Variants in SGCD observed in about 807,000 individuals in gnomAD.
SGCD encodes sarcoglycan delta, also known as delta-sarcoglycan.
A neutral mutation model predicts 36.6 loss-of-function variants in SGCD; 18 were observed. That is an observed-to-expected ratio of 0.49 (90% CI 0.34 to 0.73). The LOEUF (loss-of-function observed/expected upper bound fraction) is 0.73. SGCD is among the 30% of genes least tolerant of loss of function. SGCD has a pLI of 0.01. For synonymous variants in SGCD, 133 were observed against 130.6 expected (o/e 1.02, Z -0.12); for missense variants, 387 against 346.7 (o/e 1.12, Z -0.92).
intron 4 of SGCD, among the ~76,000 whole-genome samples, chr5:156,524,722 T>C (rs559036266): frequency 1.3e-5 from 2 of 152,126 alleles, no homozygotes; most frequent in South Asian, 4.1e-4. Context: ...GTGTGTACTC[T>C]TTGATGAACA....
intron 1 of SGCD, among the ~76,000 whole-genome samples, chr5:156,004,556 T>C (rs1271331769): frequency 2.0e-5 from 3 of 152,130 alleles, no homozygotes; most frequent in East Asian, 1.9e-4. Context: ...TAGTTAGAGG[T>C]AGAATCCACA....
chr5:156,302,568 G>T (rs1011679417), intron 3 of SGCD, among the ~76,000 whole-genome samples: 7 of 152,026 alleles, frequency 4.6e-5, no homozygotes, highest in Admixed American at 2.0e-4. Flanking sequence ...GGTATTTGTT[G>T]CTTGTGGATG....
intron 3 of SGCD, among the ~76,000 whole-genome samples, chr5:156,311,758 T>C (rs182867361): frequency 6.6e-6 from 1 of 152,280 alleles, no homozygotes; most frequent in East Asian, 1.9e-4. Context: ...TCATAAAAAG[T>C]TTGGAAAACA....
intron 3 of SGCD, among the ~76,000 whole-genome samples, chr5:156,263,480 A>AG (rs1765920659): frequency 6.6e-6 from 1 of 151,880 alleles, no homozygotes; most frequent in Admixed American, 6.6e-5. Flanking sequence ...AGTTCCTTGT[A>AG]AATCTGAATA....
the SGCD span, among the ~76,000 whole-genome samples, chr5:155,753,901 T>A: frequency 2.0e-5 from 3 of 150,806 alleles, no homozygotes; most frequent in Admixed American, 1.3e-4. Context: ...TCACATTTAA[T>A]TTTTTTTTTC....
intron 3 of SGCD, among the ~76,000 whole-genome samples, chr5:156,471,518 T>C (rs1381714969): frequency 1.3e-5 from 2 of 152,102 alleles, no homozygotes; most frequent in African/African-American, 4.8e-5. Flanking sequence ...ATACCGTCAA[T>C]TGATTTTTCT....
At chr5:156,534,689 T>C (rs891398124) in intron 4 of SGCD, among the ~76,000 whole-genome samples, 1 of 152,180 alleles carries the variant, frequency 6.6e-6, no homozygotes, top group African/African-American at 2.4e-5. Flanking sequence ...TGGTTTTGCT[T>C]CTTACTAGCT....
At chr5:156,165,253 T>G (rs935008437) in intron 3 of SGCD, among the ~76,000 whole-genome samples, 3 of 152,200 alleles carry the variant, frequency 2.0e-5, no homozygotes, top group African/African-American at 4.8e-5. Flanking sequence ...AGGGGAAACT[T>G]GCCAATGGGC....
chr5:156,052,797 T>C (rs1295723609), intron 1 of SGCD, among the ~76,000 whole-genome samples: 2 of 146,300 alleles, frequency 1.4e-5, no homozygotes, highest in African/African-American at 2.5e-5. Context: ...CATGATGGTG[T>C]TTTATTTGCT....
the SGCD span, among the ~76,000 whole-genome samples, chr5:155,796,755 G>A: frequency 0.073 from 9,899 of 135,790 alleles, 670 homozygotes; most frequent in African/African-American, 0.19. Context: ...GTGGTGAGCC[G>A]AGATTGTGCC....
chr5:156,703,318 TG>T (rs1184998905), intron 7 of SGCD, among the ~76,000 whole-genome samples: 1 of 152,068 alleles, frequency 6.6e-6, no homozygotes, highest in African/African-American at 2.4e-5. Flanking sequence ...GAATCTATAG[TG>T]GGTGCTTCTG....
At chr5:156,173,687 A>G (rs1212724130) in intron 3 of SGCD, among the ~76,000 whole-genome samples, 1 of 152,170 alleles carries the variant, frequency 6.6e-6, no homozygotes, top group African/African-American at 2.4e-5. Flanking sequence ...TGATGCAGAA[A>G]AACCTTAGGG....
chr5:156,394,089 T>C (rs1344368179), intron 3 of SGCD, among the ~76,000 whole-genome samples: 1 of 152,184 alleles, frequency 6.6e-6, no homozygotes, highest in Non-Finnish European at 1.5e-5. Context: ...GAATACAATA[T>C]GTGGAGTAGG....
At chr5:155,753,191 G>T in the SGCD span, among the ~76,000 whole-genome samples, 1 of 152,054 alleles carries the variant, frequency 6.6e-6, no homozygotes, top group Admixed American at 6.5e-5. Context: ...ACAAAAATTA[G>T]CTGGGCATGG....
At chr5:156,663,682 AGTCC>A (rs1201883016) in intron 7 of SGCD, among the ~76,000 whole-genome samples, 1 of 146,698 alleles carries the variant, frequency 6.8e-6, no homozygotes, top group Non-Finnish European at 1.5e-5. Flanking sequence ...TTAGTCCTAC[AGTCC>A]CCTCAGGCAG....
chr5:156,410,343 C>A (rs923891685), intron 3 of SGCD, among the ~76,000 whole-genome samples: 5 of 151,034 alleles, frequency 3.3e-5, no homozygotes, highest in Non-Finnish European at 4.4e-5. Flanking sequence ...ATTGGGTACA[C>A]GTAGACATAA....
chr5:156,426,964 A>G (rs1488844787), intron 3 of SGCD, among the ~76,000 whole-genome samples: 1 of 152,106 alleles, frequency 6.6e-6, no homozygotes, highest in African/African-American at 2.4e-5. Flanking sequence ...TATAATTTGC[A>G]TTTGAGTAAT....
chr5:155,935,069 A>C (rs747100477), intron 1 of SGCD, among the ~76,000 whole-genome samples: 3 of 152,188 alleles, frequency 2.0e-5, no homozygotes, highest in Non-Finnish European at 2.9e-5. Flanking sequence ...GTTTTGGGGC[A>C]GTATACTTGA....
the SGCD span, among the ~76,000 whole-genome samples, chr5:155,831,661 G>C: frequency 2.0e-5 from 3 of 152,154 alleles, no homozygotes; most frequent in African/African-American, 7.2e-5. Flanking sequence ...GGCATCCCCC[G>C]TCACAAATCC....
Sources: gnomAD v4.1 joint callset for allele counts (sites outside exome capture counted in the v4.1 genomes callset) on GRCh38, gnomAD v4.1.1 for gene constraint, MANE v1.5 for transcripts, NCBI Gene and HGNC (gene_info 2026-07-23, HGNC 2026-07-21) for gene names.